KHDRBS2: variants seen among roughly 807,000 people sequenced by gnomAD.
KHDRBS2 encodes the protein KH RNA binding domain containing, signal transduction associated 2, also known as KH domain-containing, RNA-binding, signal transduction-associated protein 2.
Under a neutral mutation model 44.3 loss-of-function variants are expected in KHDRBS2, and 26 were observed. That is an observed-to-expected ratio of 0.59 (90% CI 0.43 to 0.81). The LOEUF is 0.81. KHDRBS2 is among the 40% of genes least tolerant of loss of function. The pLI is 0.00. For missense variants in KHDRBS2, 476 were observed against 433.1 expected (o/e 1.10, Z -0.88); for synonymous variants, 194 against 151.1 (o/e 1.28, Z -2.08).
At chr6:61,604,873 T>A in the KHDRBS2 span, among the ~76,000 whole-genome samples, 7 of 152,226 alleles carry the variant, frequency 4.6e-5, 1 homozygote, top group South Asian at 1.5e-3. Flanking sequence ...AAGACATAAT[T>A]CCTTGGTCTG....
chr6:62,247,511 A>G (rs1835792994), intron 1 of KHDRBS2, among the ~76,000 whole-genome samples: 1 of 152,020 alleles, frequency 6.6e-6, no homozygotes. Flanking sequence ...AAATAGAGAA[A>G]CCAACTACAC....
chr6:61,738,511 T>C (rs1321196782), intron 6 of KHDRBS2, among the ~76,000 whole-genome samples: 2 of 152,008 alleles, frequency 1.3e-5, no homozygotes, highest in East Asian at 3.9e-4. Context: ...TGCTAAGTCC[T>C]CTACAATATA....
chr6:62,000,416 T>C (rs575985520), intron 3 of KHDRBS2, among the ~76,000 whole-genome samples: 1 of 152,324 alleles, frequency 6.6e-6, no homozygotes, highest in South Asian at 2.1e-4. Flanking sequence ...AGTTTTTCAC[T>C]TTTTACTGTC....
At chr6:61,599,677 G>T in the KHDRBS2 span, among the ~76,000 whole-genome samples, 1 of 152,150 alleles carries the variant, frequency 6.6e-6, no homozygotes, top group Non-Finnish European at 1.5e-5. Flanking sequence ...CAGGCAACAA[G>T]GGTTGAGACA....
chr6:62,033,284 G>A (rs1405107502), intron 3 of KHDRBS2, among the ~76,000 whole-genome samples: 2 of 151,848 alleles, frequency 1.3e-5, no homozygotes, highest in Admixed American at 6.6e-5. Context: ...AGCGATAAGG[G>A]TATAGTTTAT....
chr6:61,685,548 G>A (rs1423158349), intron 8 of KHDRBS2, among the ~76,000 whole-genome samples: 1 of 151,758 alleles, frequency 6.6e-6, no homozygotes, highest in Non-Finnish European at 1.5e-5. Flanking sequence ...AGTTCTATCT[G>A]TTTTTTATTA....
chr6:61,743,652 T>TTAAG (rs1402302297), intron 6 of KHDRBS2, among the ~76,000 whole-genome samples: 3 of 152,056 alleles, frequency 2.0e-5, no homozygotes, highest in African/African-American at 7.2e-5. Flanking sequence ...TTATTATACT[T>TTAAG]TAAGTTTTAG....
At chr6:61,783,974 T>C (rs540691287) in intron 6 of KHDRBS2, among the ~76,000 whole-genome samples, 1 of 152,112 alleles carries the variant, frequency 6.6e-6, no homozygotes, top group Admixed American at 6.6e-5. Context: ...ACAGCATTCA[T>C]TTCTTATTAA....
chr6:61,757,606 C>T (rs1395797975), intron 6 of KHDRBS2, among the ~76,000 whole-genome samples: 1 of 152,132 alleles, frequency 6.6e-6, no homozygotes, highest in African/African-American at 2.4e-5. Flanking sequence ...TTAAAACTAT[C>T]ATCTCGCTAT....
At chr6:61,784,139 T>C (rs984350836) in intron 6 of KHDRBS2, among the ~76,000 whole-genome samples, 7 of 151,938 alleles carry the variant, frequency 4.6e-5, no homozygotes, top group Admixed American at 4.6e-4. Flanking sequence ...ATTACTTTAA[T>C]ATTTGGATTC....
At chr6:62,123,575 C>T (rs1808225268) in intron 2 of KHDRBS2, among the ~76,000 whole-genome samples, 1 of 152,160 alleles carries the variant, frequency 6.6e-6, no homozygotes, top group Non-Finnish European at 1.5e-5. Flanking sequence ...AATGGTATAG[C>T]CAGCCTCTTA....
chr6:61,771,697 G>C (rs1254761444), intron 6 of KHDRBS2, among the ~76,000 whole-genome samples: 3 of 152,162 alleles, frequency 2.0e-5, no homozygotes, highest in Non-Finnish European at 4.4e-5. Context: ...CAAGTCTTTA[G>C]TGACCTACAA....
intron 2 of KHDRBS2, among the ~76,000 whole-genome samples, chr6:62,137,003 T>C (rs1170256079): frequency 1.0e-4 from 14 of 136,188 alleles, no homozygotes; most frequent in Non-Finnish European, 1.6e-4. Flanking sequence ...CTTTTTTTTT[T>C]TTTTTTTTTT....
intron 4 of KHDRBS2, among the ~76,000 whole-genome samples, chr6:61,935,819 A>C (rs1221232038): frequency 6.6e-6 from 1 of 152,120 alleles, no homozygotes; most frequent in Admixed American, 6.6e-5. Context: ...ATGGTTCTGC[A>C]CCACATCTTT....
chr6:61,860,320 G>A (rs1460100995), intron 6 of KHDRBS2, among the ~76,000 whole-genome samples: 1 of 151,742 alleles, frequency 6.6e-6, no homozygotes, highest in African/African-American at 2.4e-5. Context: ...CATCACCCAG[G>A]TATTAAGCCT....
intron 3 of KHDRBS2, among the ~76,000 whole-genome samples, chr6:61,995,001 A>G (rs528398971): frequency 6.6e-6 from 1 of 152,292 alleles, no homozygotes; most frequent in African/African-American, 2.4e-5. Flanking sequence ...CATAGGGAAT[A>G]GAATAGAAAA....
intron 5 of KHDRBS2, among the ~76,000 whole-genome samples, chr6:61,896,444 CTAATATTAT>C (rs1802959390): frequency 2.0e-5 from 3 of 152,050 alleles, no homozygotes; most frequent in African/African-American, 7.2e-5. Flanking sequence ...TCCTTCTGCT[CTAATATTAT>C]ATGATGCTCA....
intron 2 of KHDRBS2, among the ~76,000 whole-genome samples, chr6:62,153,294 A>C (rs1334656497): frequency 6.6e-6 from 1 of 152,178 alleles, no homozygotes; most frequent in African/African-American, 2.4e-5. Flanking sequence ...CAAATGATGA[A>C]ATTCCTTAAT....
the KHDRBS2 span, among the ~76,000 whole-genome samples, chr6:61,552,675 A>T: frequency 9.2e-5 from 14 of 152,266 alleles, no homozygotes; most frequent in East Asian, 2.5e-3. Context: ...AGATTCCTCC[A>T]ATGCCTAGTT....
Sources: gnomAD v4.1 joint callset for allele counts (sites outside exome capture counted in the v4.1 genomes callset) on GRCh38, gnomAD v4.1.1 for gene constraint, MANE v1.5 for transcripts, NCBI Gene and HGNC (gene_info 2026-07-23, HGNC 2026-07-21) for gene names.